CRY1: variants seen among roughly 807,000 people sequenced by gnomAD.
CRY1 encodes the protein cryptochrome-1.
CRY1 carries 45 observed loss-of-function variants against 76.0 expected under a neutral mutation model. The observed-to-expected ratio is 0.59, with a 90% CI of 0.47 to 0.76. The LOEUF is 0.76. Ranked by LOEUF, CRY1 falls within the 30% of genes least tolerant of loss-of-function variation. The pLI, the probability that CRY1 is intolerant of heterozygous loss-of-function variation, is 0.00. For synonymous variants in CRY1, 248 were observed against 244.0 expected (o/e 1.02, Z -0.15); for missense variants, 587 against 716.4 (o/e 0.82, Z 2.06).
In CRY1 at chr12:106,999,852, T is replaced by G; in HGVS notation, c.836A>C (p.Asn279Thr). ...LTDLYKKVKK[N>T]SSPPLSLYGQ... ...ATAAAGGGAAAGGGGAGGGGAACTG[T>G]TCTTCTTTACCTATGGTTAAAAAGC... is the stretch of plus-strand genomic sequence containing the variant. The change falls in exon 7 of 13, where the codon AAC becomes ACC. Residue 279 changes from asparagine (N) to threonine (T), a missense_variant. Coordinates refer to ENST00000008527, the MANE Select transcript of CRY1 (RefSeq NM_004075.5). The G allele has an allele frequency of 6.2e-7, 1 of 1,610,048 alleles. No individual in the cohort carries two copies. Among genetic ancestry groups the G allele is most frequent in the Non-Finnish European group, 8.5e-7 (1 of 1,178,562 alleles).
At chr12:107,071,587 G>C (rs1053840456) in intron 1 of CRY1, among the ~76,000 whole-genome samples, 1 of 152,070 alleles carries the variant, frequency 6.6e-6, no homozygotes, top group Admixed American at 6.6e-5. Context: ...ATCTAAGCCT[G>C]ATGTTTTTTG....
intron 1 of CRY1, among the ~76,000 whole-genome samples, chr12:107,081,720 C>G (rs1364035630): frequency 1.3e-5 from 2 of 152,122 alleles, no homozygotes; most frequent in Admixed American, 1.3e-4. Flanking sequence ...CTGCTATGGT[C>G]TGAATGTCTA....
At position 106,997,471 on chromosome 12, in the gene CRY1, G is replaced by A; in HGVS notation, c.1492+17C>T. On this transcript the variant is annotated intron_variant, in intron 9 of 12. Transcript: ENST00000008527. ...CATAAACAGCTGCCAAAGAAACAAA[G>A]ACAGTTCTTAACATACCTAGTCCTC... 1 of 1,611,134 alleles carries A rather than the reference G, an allele frequency of 6.2e-7. No individual in the cohort carries two copies. The highest frequency in any genetic ancestry group is 8.5e-7 in the Non-Finnish European group (1 of 1,177,696).
intron 1 of CRY1, among the ~76,000 whole-genome samples, chr12:107,057,750 A>G (rs989517241): frequency 6.6e-6 from 1 of 151,864 alleles, no homozygotes; most frequent in African/African-American, 2.4e-5. Context: ...GAATAAATAA[A>G]TGAAAAAATA....
intron 2 of CRY1, among the ~76,000 whole-genome samples, chr12:107,016,847 G>T (rs1347024751): frequency 6.6e-6 from 1 of 152,088 alleles, no homozygotes; most frequent in Non-Finnish European, 1.5e-5. Flanking sequence ...CATGCGTCCA[G>T]GCTAAAAACC....
At position 107,042,408 on chromosome 12, in the gene CRY1, C is replaced by T. The variant is rs545992705; in HGVS notation, c.159-20216G>A. On this transcript the variant is annotated intron_variant, in intron 1 of 12. Coordinates refer to ENST00000008527, the MANE Select transcript of CRY1 (RefSeq NM_004075.5). Reference sequence around the variant, plus strand: ...AACCTGGCAGACATTAACTGAAACACATGATCAAGGTTAGTATCATTTGTA... The same window carrying T: ...AACCTGGCAGACATTAACTGAAACATATGATCAAGGTTAGTATCATTTGTA... Among the ~76,000 whole-genome samples the T allele has an allele frequency of 2.0e-5, 3 of 152,238 alleles. No homozygotes were observed. In the East Asian group the frequency reaches 5.8e-4, roughly 29 times the overall value.
chr12:107,036,900 G>A (rs1029034334), intron 1 of CRY1, among the ~76,000 whole-genome samples: 3 of 151,946 alleles, frequency 2.0e-5, no homozygotes, highest in African/African-American at 7.3e-5. Context: ...ATCTAAAATA[G>A]ACCTCTCCCC....
At chr12:107,018,633 T>C (rs1593505800) in intron 2 of CRY1, among the ~76,000 whole-genome samples, 1 of 151,936 alleles carries the variant, frequency 6.6e-6, no homozygotes, top group Admixed American at 6.6e-5. Context: ...GAAATAGATA[T>C]AATGAGAATG....
chr12:107,018,413 C>T (rs925101070), intron 2 of CRY1, among the ~76,000 whole-genome samples: 1 of 152,016 alleles, frequency 6.6e-6, no homozygotes, highest in Non-Finnish European at 1.5e-5. Flanking sequence ...TTGGCGAAAC[C>T]CTTTCTCTGC....
At chr12:107,023,364 C>A (rs978254862) in intron 1 of CRY1, among the ~76,000 whole-genome samples, 1 of 152,198 alleles carries the variant, frequency 6.6e-6, no homozygotes, top group Non-Finnish European at 1.5e-5. Context: ...ACACTTGCCA[C>A]ATTTCAAGTC....
intron 8 of CRY1, 80 bp downstream of exon 8, chr12:106,997,835 T>C: frequency 6.4e-7 from 1 of 1,554,302 alleles, no homozygotes; most frequent in Non-Finnish European, 8.7e-7. Context: ...GAGTGGGGAA[T>C]ACTTTAAGCA....
At position 107,060,757 on chromosome 12, in the gene CRY1, T is replaced by C. The variant is rs546176374; in HGVS notation, c.158+32047A>G. 2.7e-3 allele frequency among the ~76,000 whole-genome samples: 412 copies of C among 152,114 alleles called. 1 individual carries two copies. The highest frequency in any genetic ancestry group is 0.014 in the Middle Eastern group (4 of 294). On this transcript the variant is annotated intron_variant, in intron 1 of 12. Transcript: ENST00000008527. ...TGTAATCCCAGCCGAGGTGGGCGGA[T>C]CACGAGGTCAGGAGATGGATACCAT...
chr12:107,003,550 A>G (rs1458864502), intron 3 of CRY1, among the ~76,000 whole-genome samples: 2 of 152,220 alleles, frequency 1.3e-5, no homozygotes, highest in Admixed American at 1.3e-4. Context: ...ATACATACAG[A>G]AAGTAATACA....
chr12:107,028,209 A>G (rs1952636664), intron 1 of CRY1, among the ~76,000 whole-genome samples: 2 of 152,134 alleles, frequency 1.3e-5, no homozygotes, highest in African/African-American at 4.8e-5. Context: ...ACCAAAGTCT[A>G]TTATATTTTA....
intron 1 of CRY1, among the ~76,000 whole-genome samples, chr12:107,061,194 C>T (rs1953042260): frequency 6.6e-6 from 1 of 151,810 alleles, no homozygotes; most frequent in African/African-American, 2.4e-5. Flanking sequence ...AAAATGTAAA[C>T]ATATTTTAAT....
chr12:107,029,428 C>T (rs114588678), intron 1 of CRY1, among the ~76,000 whole-genome samples: 3,479 of 151,804 alleles, frequency 0.023, 48 homozygotes, highest in African/African-American at 0.039. Flanking sequence ...CTCATCTCTA[C>T]AAAAAGTACA....
intron 2 of CRY1, among the ~76,000 whole-genome samples, chr12:107,012,547 A>G (rs1952457172): frequency 6.6e-6 from 1 of 152,226 alleles, no homozygotes; most frequent in Admixed American, 6.5e-5. Context: ...GGAGATTAAC[A>G]TTGTTTTCAT....
chr12:107,011,360 CAAA>C (rs57985768), intron 2 of CRY1, among the ~76,000 whole-genome samples: 1 of 144,046 alleles, frequency 6.9e-6, no homozygotes, highest in African/African-American at 2.5e-5. Flanking sequence ...AAAAAACAAA[CAAA>C]AAAAAAAAAC....
chr12:107,032,348 T>C (rs1466420435), intron 1 of CRY1, among the ~76,000 whole-genome samples: 1 of 152,198 alleles, frequency 6.6e-6, no homozygotes, highest in Non-Finnish European at 1.5e-5. Context: ...GCATATTTTC[T>C]ACAAATCTAA....
Sources: allele counts gnomAD v4.1 joint callset (sites outside exome capture counted in the v4.1 genomes callset), GRCh38; gene constraint gnomAD v4.1.1; transcripts MANE v1.5; gene names NCBI Gene and HGNC (gene_info 2026-07-23, HGNC 2026-07-21).